The following GPAT4 variants were observed in gnomAD, a reference collection of about 807,000 sequenced individuals.
The protein encoded by GPAT4 is 1-AGP acyltransferase 6.
In GPAT4, 17 loss-of-function variants were observed where a neutral mutation model predicts 58.0. The observed-to-expected ratio is 0.29, with a 90% CI of 0.20 to 0.44. The LOEUF is 0.44. GPAT4 is among the 20% of genes least tolerant of loss of function. GPAT4 has a pLI of 1.00. For synonymous variants in GPAT4, 204 were observed against 210.1 expected (o/e 0.97, Z 0.25); for missense variants, 377 against 574.5 (o/e 0.66, Z 3.51).
intron 2 of GPAT4, among the ~76,000 whole-genome samples, chr8:41,606,780 T>C (rs1398457067): frequency 1.3e-5 from 2 of 152,118 alleles, no homozygotes; most frequent in Non-Finnish European, 2.9e-5. Context: ...CGGGTAGTCT[T>C]GTGTAGATGA....
chr8:41,583,958 A>T (rs1208181209), intron 1 of GPAT4, among the ~76,000 whole-genome samples: 1 of 152,188 alleles, frequency 6.6e-6, no homozygotes, highest in Non-Finnish European at 1.5e-5. Flanking sequence ...GTGCAGTGGC[A>T]CTGTCATGGC....
chr8:41,619,006 G>C, intron 12 of GPAT4, 29 bp downstream of exon 12: 3 of 1,612,714 alleles, frequency 1.9e-6, no homozygotes, highest in Non-Finnish European at 1.7e-6. Context: ...CTTTTCAGCT[G>C]AGTTTCTGCA....
rs922245732 is a variant in GPAT4, at chr8:41,599,138, C to T, written c.-2C>T. ...GTGCTGGCCTGGCCTGGATCTTCCA[C>T]CATGTTCCTGTTGCTGCCTTTTGAT... On this transcript the variant is annotated 5_prime_UTR_variant, in exon 2 of 13. Transcript: ENST00000396987. The T allele has an allele frequency of 3.7e-6, 6 of 1,610,646 alleles. No homozygotes were observed. The highest frequency in any genetic ancestry group is 4.2e-6 in the Non-Finnish European group (5 of 1,179,030).
intron 1 of GPAT4, among the ~76,000 whole-genome samples, chr8:41,588,174 G>T (rs1383246564): frequency 6.6e-6 from 1 of 152,186 alleles, no homozygotes; most frequent in African/African-American, 2.4e-5. Context: ...GATCTAACAT[G>T]TGACAGGCAT....
At position 41,603,075 on chromosome 8, in the gene GPAT4, G is replaced by A. The variant is rs191557832; in HGVS notation, c.165+3771G>A. Among the ~76,000 whole-genome samples the A allele has an allele frequency of 2.7e-4, 41 of 152,254 alleles. No individual in the cohort carries two copies. The East Asian group carries it at 7.1e-3, about 27-fold the overall frequency. ...GACATAAGCATTTATTCTCTAGCAAGGAGAGACCTTTATTTTACCTTTTTA... is the reference window on the plus strand; with the variant it reads ...GACATAAGCATTTATTCTCTAGCAAAGAGAGACCTTTATTTTACCTTTTTA... On this transcript the variant is annotated intron_variant, in intron 2 of 12. Transcript: ENST00000396987.
chr8:41,622,977 C>G lies in GPAT4; in HGVS notation c.*1976C>G. The G allele has an allele frequency of 6.6e-6, 1 of 152,220 alleles. No individual in the cohort carries two copies. The highest frequency in any genetic ancestry group is 6.5e-5 in the Admixed American group (1 of 15,284). 9.4% of individuals were successfully genotyped at this position (152,220 alleles called of 1,614,324 possible). A position where few individuals can be genotyped will look rare whatever the true frequency, so the allele number is the denominator to read the frequency against. Reference sequence around the variant, plus strand: ...TCAGGTTCTCTTTTAAAAAGTTCATCTGAAACTTTATGGTTTGTTACTTTC... The same window carrying G: ...TCAGGTTCTCTTTTAAAAAGTTCATGTGAAACTTTATGGTTTGTTACTTTC... On this transcript the variant is annotated 3_prime_UTR_variant, in exon 13 of 13. Transcript: ENST00000396987.
rs959927715 is a variant in GPAT4, at chr8:41,598,727, C to G, written c.-413C>G. 1 of 165,532 alleles carries G rather than the reference C, an allele frequency of 6.0e-6. No homozygotes were observed. Among genetic ancestry groups the G allele is most frequent in the Non-Finnish European group, 1.3e-5 (1 of 77,728 alleles). 10.3% of individuals were successfully genotyped at this position (165,532 alleles called of 1,614,324 possible). A position where few individuals can be genotyped will look rare whatever the true frequency, so the allele number is the denominator to read the frequency against. On this transcript the variant is annotated 5_prime_UTR_variant, in exon 2 of 13. The change creates a new upstream start codon in the 5' untranslated region. Transcript: ENST00000396987. ...CTTCGTACTTCTGGTAGTGACAGATCTGCAGGACAGATTTATCTGTTGAAT... is the reference window on the plus strand; with the variant it reads ...CTTCGTACTTCTGGTAGTGACAGATGTGCAGGACAGATTTATCTGTTGAAT...
rs759845883 is a variant in GPAT4, at chr8:41,618,951, G to T, written c.1236G>T (p.Arg412Ser). The T allele has an allele frequency of 6.2e-7, 1 of 1,614,108 alleles. No individual in the cohort carries two copies. The highest frequency in any genetic ancestry group is 8.5e-7 in the Non-Finnish European group (1 of 1,180,038). Residue 412 changes from arginine (R) to serine (S), a missense_variant, in exon 12 of 13, where the codon AGG becomes AGT. Physicochemically the swap from Arg to Ser is moderately radical, Grantham distance 110 (BLOSUM62 -1). Coordinates refer to ENST00000396987, the MANE Select transcript of GPAT4 (RefSeq NM_178819.4). ...ATAGGGTGAAATCTGCCATTGCCAG[G>T]CAGGGAGGACTTGTGGACCTGCTGT... Reference protein sequence around the residue: ...FANRVKSAIARQGGLVDLLWD... With the variant: ...FANRVKSAIASQGGLVDLLWD...
At chr8:41,615,879 T>C (rs1563279654) in intron 10 of GPAT4, among the ~76,000 whole-genome samples, 1 of 152,222 alleles carries the variant, frequency 6.6e-6, no homozygotes, top group Non-Finnish European at 1.5e-5. Context: ...CTTTTCACCT[T>C]GCCAGTGCCA....
intron 5 of GPAT4, 59 bp from the exon 6 acceptor site, chr8:41,611,844 A>G (rs1803453765): frequency 3.9e-6 from 6 of 1,539,214 alleles, no homozygotes; most frequent in Non-Finnish European, 5.4e-6. Flanking sequence ...GAAGTCAGTA[A>G]CTCTTTCTGT....
rs758905649 is a variant in GPAT4, at chr8:41,600,036, C to CTTTTTTTTTT, written c.165+741_165+750dup. Among the ~76,000 whole-genome samples, 228 of 100,282 alleles carry CTTTTTTTTTT rather than the reference C, an allele frequency of 2.3e-3. 9 individuals are homozygous for CTTTTTTTTTT. Among genetic ancestry groups the CTTTTTTTTTT allele is most frequent in the African/African-American group, 3.0e-3 (75 of 24,942 alleles). The allele number at this position is 100,282 out of a possible 152,430, so 65.8% of individuals were successfully genotyped here. ...TGTTCATATTTTATCTTTTTCTTTT[C>CTTTTTTTTTT]TTTTTTTTTTTTTTTTTTCGAGACA... On this transcript the variant is annotated intron_variant, in intron 2 of 12. Transcript: ENST00000396987.
At position 41,621,173 on chromosome 8, in the gene GPAT4, G is replaced by A. The variant is rs368875607; in HGVS notation, c.*172G>A. The A allele has an allele frequency of 8.3e-5, 77 of 928,812 alleles. No homozygotes were observed. In the African/African-American group the frequency reaches 9.0e-4, roughly 11 times the overall value. 57.5% of individuals were successfully genotyped at this position (928,812 alleles called of 1,614,324 possible). A position where few individuals can be genotyped will look rare whatever the true frequency, so the allele number is the denominator to read the frequency against. ...GCCGCAGCGGGATCCCTGTGCACCC[G>A]GCGCAGCCTACCCTTGGTGGTCTAA... On this transcript the variant is annotated 3_prime_UTR_variant, in exon 13 of 13. Coordinates refer to ENST00000396987, the MANE Select transcript of GPAT4 (RefSeq NM_178819.4).
chr8:41,611,190 A>C (rs1027079720), intron 5 of GPAT4, among the ~76,000 whole-genome samples: 5 of 152,228 alleles, frequency 3.3e-5, no homozygotes, highest in African/African-American at 1.2e-4. Flanking sequence ...ACACCACTGC[A>C]CTCCAGCCTA....
chr8:41,588,330 T>A (rs1802705761), intron 1 of GPAT4, among the ~76,000 whole-genome samples: 1 of 152,278 alleles, frequency 6.6e-6, no homozygotes, highest in South Asian at 2.1e-4. Context: ...TTGGGATGTG[T>A]CACAGAGAGC....
intron 1 of GPAT4, among the ~76,000 whole-genome samples, chr8:41,582,692 T>TGTGTGTGTGTGG (rs1554500403): frequency 6.6e-6 from 1 of 151,794 alleles, no homozygotes; most frequent in African/African-American, 2.4e-5. Context: ...TGTGTGTGTG[T>TGTGTGTGTGTGG]GTGGGTGTAT....
chr8:41,612,754 C>G, intron 7 of GPAT4, 91 bp from the exon 8 acceptor site: 1 of 1,138,870 alleles, frequency 8.8e-7, no homozygotes, highest in Non-Finnish European at 1.3e-6. Context: ...AGAAGTTGGA[C>G]TGCTTATTTT....
Position 41,609,411 on chromosome 8 carries a change from C to T in GPAT4, c.166-5C>T, listed in dbSNP as rs887278053. On this transcript the variant is annotated splice_polypyrimidine_tract_variant and splice_region_variant and intron_variant, in intron 2 of 12. Coordinates refer to ENST00000396987, the MANE Select transcript of GPAT4 (RefSeq NM_178819.4). ...CTCTTGTATCTTGCTTCCTTCCCCT[C>T]CCAGTGGGCTACCTTGAGAATGGAG... 3 of 1,613,936 alleles carry T rather than the reference C, an allele frequency of 1.9e-6. No individual in the cohort carries two copies. The highest frequency in any genetic ancestry group is 2.7e-5 in the African/African-American group (2 of 74,910).
At chr8:41,619,119 A>C in intron 12 of GPAT4, 142 bp downstream of exon 12, 1 of 1,004,626 alleles carries the variant, frequency 1.0e-6, no homozygotes, top group East Asian at 2.6e-5. Flanking sequence ...CCCGAATTCC[A>C]ACCCAGAAGT....
At position 41,623,176 on chromosome 8, in the gene GPAT4, C is replaced by T. The variant is rs762265428; in HGVS notation, c.*2175C>T. On this transcript the variant is annotated 3_prime_UTR_variant, in exon 13 of 13. Coordinates refer to ENST00000396987, the MANE Select transcript of GPAT4 (RefSeq NM_178819.4). ...TGCGGGCCGGGCAGTGAGGAGAGCA[C>T]TGATTCACGCCTGCAGAAACGTAAC... 6.6e-6 allele frequency: 1 copy of T among 152,200 alleles called. No individual in the cohort carries two copies. Among genetic ancestry groups the T allele is most frequent in the Non-Finnish European group, 1.5e-5 (1 of 68,058 alleles). The allele number at this position is 152,200 out of a possible 1,614,324, so 9.4% of individuals were successfully genotyped here. A position where few individuals can be genotyped will look rare whatever the true frequency, so the allele number is the denominator to read the frequency against.
Sources: gnomAD v4.1 joint callset for allele counts (sites outside exome capture counted in the v4.1 genomes callset) on GRCh38, gnomAD v4.1.1 for gene constraint, MANE v1.5 for transcripts, NCBI Gene and HGNC (gene_info 2026-07-23, HGNC 2026-07-21) for gene names.